The following SOX5 variants were observed in gnomAD, a reference collection of about 807,000 sequenced individuals.
The protein encoded by SOX5 is SRY-box transcription factor 5.
A neutral mutation model predicts 92.0 loss-of-function variants in SOX5; 9 were observed. The observed-to-expected ratio is 0.10, with a 90% CI of 0.06 to 0.17. The LOEUF is 0.17. Among genes scored for constraint, SOX5 ranks in the 10% least tolerant of loss-of-function variants. The pLI is 1.00. For synonymous variants in SOX5, 344 were observed against 336.3 expected (o/e 1.02, Z -0.25); for missense variants, 642 against 944.5 (o/e 0.68, Z 4.20).
chr12:24,074,456 T>A (rs1188178056), intron 4 of SOX5, among the ~76,000 whole-genome samples: 1 of 152,028 alleles, frequency 6.6e-6, no homozygotes, highest in Admixed American at 6.6e-5. Flanking sequence ...TAAATATAGT[T>A]AAACATTGCT....
chr12:24,461,555 A>G lies in SOX5; in HGVS notation c.-250-92916T>C, dbSNP rs190121794. On this transcript the variant is annotated intron_variant, in intron 1 of 4. Coordinates refer to the SOX5 transcript ENST00000446891. ...TTTCTGAATGGAGGTAAAAACAACAACATTGTTACCTGAAGATAACAATAG... is the reference window on the plus strand; with the variant it reads ...TTTCTGAATGGAGGTAAAAACAACAGCATTGTTACCTGAAGATAACAATAG... Among the ~76,000 whole-genome samples the G allele has an allele frequency of 5.6e-4, 85 of 152,350 alleles. 3 individuals are homozygous for G. In the East Asian group the frequency reaches 9.0e-3, roughly 16 times the overall value.
At chr12:24,469,158 G>A (rs12817522) in intron 1 of SOX5, among the ~76,000 whole-genome samples, 2,672 of 152,264 alleles carry the variant, frequency 0.018, 30 homozygotes, top group Middle Eastern at 0.034. Flanking sequence ...TTAGATTCTC[G>A]TAAGGAATGT....
intron 4 of SOX5, among the ~76,000 whole-genome samples, chr12:24,175,300 G>A (rs897222342): frequency 6.6e-6 from 1 of 152,108 alleles, no homozygotes. Context: ...ATCTAAGTGG[G>A]GAACCCCATA....
intron 13 of SOX5, among the ~76,000 whole-genome samples, chr12:23,539,537 G>C (rs1941434551): frequency 6.7e-6 from 1 of 148,728 alleles, no homozygotes; most frequent in Non-Finnish European, 1.5e-5. Flanking sequence ...TATTGAGGAA[G>C]AATATAATAG....
chr12:23,575,484 G>C (rs1010271321), intron 10 of SOX5, among the ~76,000 whole-genome samples, 177 bp downstream of exon 10: 52 of 152,290 alleles, frequency 3.4e-4, no homozygotes, highest in African/African-American at 1.2e-3. Context: ...TTATAACTTA[G>C]ACTTTAGTGA....
chr12:23,665,249 T>C (rs2083606705), intron 7 of SOX5, among the ~76,000 whole-genome samples, 195 bp downstream of exon 7: 1 of 142,116 alleles, frequency 7.0e-6, no homozygotes, highest in Non-Finnish European at 1.5e-5. Flanking sequence ...ATAAAGAATA[T>C]TGGCTTCAGA....
At chr12:23,634,013 C>T (rs1464416943) in intron 8 of SOX5, among the ~76,000 whole-genome samples, 1 of 152,078 alleles carries the variant, frequency 6.6e-6, no homozygotes, top group Non-Finnish European at 1.5e-5. Context: ...CTCTTAGAAT[C>T]TTCCAATGGG....
At chr12:24,406,092 A>G (rs1341804525) in intron 1 of SOX5, among the ~76,000 whole-genome samples, 3 of 152,126 alleles carry the variant, frequency 2.0e-5, no homozygotes, top group Non-Finnish European at 4.4e-5. Flanking sequence ...CAGCTCTGCA[A>G]TCTGAGAAGT....
rs892459061 is a variant in SOX5 at position 23,531,241 on chromosome 12, G to A, written c.*2978C>T. 3 of 151,946 alleles carry A rather than the reference G, an allele frequency of 2.0e-5. No homozygotes were observed. The highest frequency in any genetic ancestry group is 4.4e-5 in the Non-Finnish European group (3 of 68,000). 9.4% of individuals were successfully genotyped at this position (151,946 alleles called of 1,614,324 possible). ...GCGGTATGAACTTGCTTTTTGTTTC[G>A]GTTCATGCACAGTTTAGTCTCGGAC... is the stretch of plus-strand genomic sequence containing the variant. On this transcript the variant is annotated 3_prime_UTR_variant, in exon 15 of 15. Coordinates refer to ENST00000451604, the MANE Select transcript of SOX5 (RefSeq NM_006940.6).
chr12:24,430,472 C>A (rs1311750343), intron 1 of SOX5, among the ~76,000 whole-genome samples: 1 of 151,544 alleles, frequency 6.6e-6, no homozygotes, highest in African/African-American at 2.4e-5. Flanking sequence ...ATATAAAATT[C>A]ATTAAACTTA....
chr12:24,082,404 G>GGA (rs1162903838), intron 4 of SOX5, among the ~76,000 whole-genome samples: 1 of 73,386 alleles, frequency 1.4e-5, no homozygotes, highest in East Asian at 4.7e-4. Flanking sequence ...CTTTCGAAAA[G>GGA]AAAAAAAAAA....
At chr12:24,064,598 TAATC>T (rs1157683534) in intron 4 of SOX5, among the ~76,000 whole-genome samples, 3 of 152,212 alleles carry the variant, frequency 2.0e-5, no homozygotes, top group Non-Finnish European at 4.4e-5. Context: ...ATTGAATCCA[TAATC>T]AATTTATGTT....
intron 9 of SOX5, among the ~76,000 whole-genome samples, chr12:23,585,750 C>T (rs1950629209): frequency 6.6e-6 from 1 of 152,098 alleles, no homozygotes; most frequent in Non-Finnish European, 1.5e-5. Context: ...AGAAATCAAG[C>T]TGCAAACATA....
intron 1 of SOX5, among the ~76,000 whole-genome samples, chr12:23,924,711 T>A (rs906949392): frequency 6.6e-6 from 1 of 152,086 alleles, no homozygotes; most frequent in Non-Finnish European, 1.5e-5. Flanking sequence ...TTCACAGAAT[T>A]GATATAGCAG....
At chr12:24,284,404 G>A (rs1368291072) in intron 2 of SOX5, among the ~76,000 whole-genome samples, 1 of 145,132 alleles carries the variant, frequency 6.9e-6, no homozygotes, top group Non-Finnish European at 1.5e-5. Flanking sequence ...GGTGTAAGGA[G>A]AATGTGGGAG....
chr12:24,067,258 C>A (rs1940903578), intron 4 of SOX5, among the ~76,000 whole-genome samples: 1 of 152,122 alleles, frequency 6.6e-6, no homozygotes, highest in African/African-American at 2.4e-5. Flanking sequence ...TATGAATAAT[C>A]AAAGGGGCAG....
Position 23,970,841 on chromosome 12 carries a change from A to ATATATATATATATATATATATATATTT in SOX5, c.-1-74818_-1-74817insAAATATATATATATATATATATATATA. Among the ~76,000 whole-genome samples, 33 of 21,866 alleles carry ATATATATATATATATATATATATATTT rather than the reference A, an allele frequency of 1.5e-3. 4 individuals are homozygous for ATATATATATATATATATATATATATTT. Among genetic ancestry groups the ATATATATATATATATATATATATATTT allele is most frequent in the African/African-American group, 3.7e-3 (30 of 8,024 alleles). 14.3% of individuals were successfully genotyped at this position (21,866 alleles called of 152,430 possible). ...ACATGGGACTTTATATATATATATA[A>ATATATATATATATATATATATATATTT]TTTTTTTTTTTTTTTAAGAAATGGG... On this transcript the variant is annotated intron_variant, in intron 4 of 4. Transcript: ENST00000446891.
At chr12:23,569,238 T>TA (rs1947715219) in intron 10 of SOX5, among the ~76,000 whole-genome samples, 1 of 152,116 alleles carries the variant, frequency 6.6e-6, no homozygotes, top group Admixed American at 6.5e-5. Context: ...TATGTATATT[T>TA]AAAAAAATTG....
At chr12:24,382,054 A>G (rs538197439) in intron 1 of SOX5, among the ~76,000 whole-genome samples, 2 of 152,348 alleles carry the variant, frequency 1.3e-5, no homozygotes, top group African/African-American at 4.8e-5. Flanking sequence ...AGACCAGTAA[A>G]CAAAACAGAA....
Sources: allele counts gnomAD v4.1 joint callset (sites outside exome capture counted in the v4.1 genomes callset), GRCh38; gene constraint gnomAD v4.1.1; transcripts MANE v1.5; gene names NCBI Gene and HGNC (gene_info 2026-07-23, HGNC 2026-07-21).